The following MYH15 variants were observed in gnomAD, a reference collection of about 807,000 sequenced individuals.
The protein encoded by MYH15 is myosin heavy chain 15.
A neutral mutation model predicts 240.5 loss-of-function variants in MYH15; 227 were observed. The ratio of observed to expected loss-of-function variants is 0.94; its 90% CI spans 0.85 to 1.05. MYH15 has a LOEUF of 1.05. MYH15 is among the 50% of genes least tolerant of loss of function. The pLI is 0.00. For missense variants in MYH15, 2,217 were observed against 2,247.5 expected, an observed-to-expected ratio of 0.99 and a Z score of 0.27; for synonymous variants, 785 against 796.7, an observed-to-expected ratio of 0.99 and a Z score of 0.25.
At chr3:108,493,678 T>C (rs1391323042) in intron 7 of MYH15, among the ~76,000 whole-genome samples, 1 of 152,154 alleles carries the variant, frequency 6.6e-6, no homozygotes, top group Non-Finnish European at 1.5e-5. Flanking sequence ...GATAAGCAGC[T>C]ACTGCAACAG....
At chr3:108,389,186 A>C (rs1199265130) in intron 37 of MYH15, 112 bp from the exon 38 acceptor site, 4 of 897,780 alleles carry the variant, frequency 4.5e-6, no homozygotes, top group Non-Finnish European at 7.0e-6. Context: ...ACATGCACAC[A>C]CTGTTTTTGG....
chr3:108,394,118 A>G lies in MYH15; in HGVS notation c.5172T>C (p.Ala1724=). The G allele has an allele frequency of 6.2e-7, 1 of 1,614,106 alleles. No individual in the cohort carries two copies. The highest frequency in any genetic ancestry group is 8.5e-7 in the Non-Finnish European group (1 of 1,179,960). ...SLLSQKKKLE[A]DVARMQKEAE... The stretch of plus-strand genomic sequence containing the variant: ...CTTCTTTCTGCATCCGGGCAACATC[A>G]GCCTCCAGTTTCTTCTTCTGGCTGA... Residue 1724 remains alanine (A), a synonymous_variant, in exon 36 of 41, where the codon GCT becomes GCC. Transcript: ENST00000693548.
At chr3:108,438,285 T>G (rs2082858488) in intron 24 of MYH15, among the ~76,000 whole-genome samples, 1 of 152,218 alleles carries the variant, frequency 6.6e-6, no homozygotes, top group African/African-American at 2.4e-5. Flanking sequence ...TTATGTCATA[T>G]TCTGGTTCCT....
At position 108,471,025 on chromosome 3, in the gene MYH15, A is replaced by AAAAG. The variant is rs140380789; in HGVS notation, c.1234-182_1234-179dup. 2.8e-3 allele frequency among the ~76,000 whole-genome samples: 365 copies of AAAAG among 129,922 alleles called. 3 individuals are homozygous for AAAAG. The highest frequency in any genetic ancestry group is 9.2e-3 in the African/African-American group (344 of 37,202). The allele number at this position is 129,922 out of a possible 152,430, so 85.2% of individuals were successfully genotyped here. ...AAGAAAAGAAAGAGAGAGAGAGAGA[A>AAAAG]AAAGAAAGAAAGAAAGAAAAGGAGA... On this transcript the variant is annotated intron_variant, in intron 12 of 40. Transcript: ENST00000693548.
chr3:108,381,582 G>A lies in MYH15; in HGVS notation c.5767-23C>T, dbSNP rs543376797. 22 of 1,613,046 alleles carry A rather than the reference G, an allele frequency of 1.4e-5. No homozygotes were observed. The East Asian group carries it at 4.7e-4, about 34-fold the overall frequency. ...AACCTGAAAAACAGAATGTCAGTGTGTTCTGTGAATTTCCTGTGATTTTCA... is the reference window on the plus strand; with the variant it reads ...AACCTGAAAAACAGAATGTCAGTGTATTCTGTGAATTTCCTGTGATTTTCA... On this transcript the variant is annotated intron_variant, in intron 40 of 40. Transcript: ENST00000693548.
chr3:108,458,832 A>G (rs1056590612), intron 18 of MYH15, among the ~76,000 whole-genome samples: 1 of 152,122 alleles, frequency 6.6e-6, no homozygotes, highest in African/African-American at 2.4e-5. Flanking sequence ...GCCACTACCC[A>G]GAGTTACATA....
the MYH15 span, among the ~76,000 whole-genome samples, chr3:108,540,712 A>C: frequency 6.6e-6 from 1 of 152,186 alleles, no homozygotes; most frequent in Non-Finnish European, 1.5e-5. Context: ...GCTTAATGGG[A>C]AAACACTAAA....
chr3:108,408,046 AT>A (rs2082559321), intron 32 of MYH15, among the ~76,000 whole-genome samples: 1 of 152,160 alleles, frequency 6.6e-6, no homozygotes, highest in African/African-American at 2.4e-5. Context: ...CAATCAGGAG[AT>A]TTGCATTCAC....
the MYH15 span, among the ~76,000 whole-genome samples, chr3:108,545,368 C>T: frequency 6.6e-6 from 1 of 152,012 alleles, no homozygotes; most frequent in Non-Finnish European, 1.5e-5. Context: ...AAGAGGAAAC[C>T]AAGGACAAAG....
At chr3:108,496,528 T>A (rs1024032872) in intron 6 of MYH15, among the ~76,000 whole-genome samples, 18 of 152,208 alleles carry the variant, frequency 1.2e-4, no homozygotes, top group Non-Finnish European at 1.8e-4. Flanking sequence ...TAATAATTTG[T>A]GGATTTATAA....
chr3:108,482,366 A>G (rs574930101), intron 11 of MYH15, among the ~76,000 whole-genome samples: 1 of 152,332 alleles, frequency 6.6e-6, no homozygotes, highest in South Asian at 2.1e-4. Context: ...TAGAGCAATT[A>G]GCAGTAGGGA....
At chr3:108,532,661 TTC>T (rs2083719970), upstream of MYH15, among the ~76,000 whole-genome samples, 1 of 152,166 alleles carries the variant, frequency 6.6e-6, no homozygotes. Flanking sequence ...ACCCTATTGG[TTC>T]TGTTTCTCTG....
chr3:108,421,191 A>G lies in MYH15; in HGVS notation c.3726T>C (p.Thr1242=), dbSNP rs1244485893. ...CTTCATGCAAGCGCTCTTCATATAG[A>G]GTACAGAGTTTCTCAGCATTTGCCT... ...RAKANAEKLC[T]LYEERLHEAT... Residue 1242 remains threonine (T), a synonymous_variant, in exon 28 of 41, where the codon ACT becomes ACC. Coordinates refer to ENST00000693548, the MANE Select transcript of MYH15 (RefSeq NM_014981.3). 1.5e-5 allele frequency: 24 copies of G among 1,613,440 alleles called. No individual in the cohort carries two copies. The East Asian group carries it at 4.5e-4, about 30-fold the overall frequency.
At chr3:108,510,600 A>AC, upstream of MYH15, 1 of 1,597,212 alleles carries the variant, frequency 6.3e-7, no homozygotes, top group South Asian at 1.1e-5. Flanking sequence ...GAAAAAAAAA[A>AC]ATTGATACAG....
At chr3:108,453,969 A>G (rs2082997658) in intron 21 of MYH15, 37 bp downstream of exon 21, 2 of 1,595,204 alleles carry the variant, frequency 1.3e-6, no homozygotes, top group African/African-American at 2.7e-5. Context: ...GCACACTATT[A>G]CCCTAGCAGT....
At chr3:108,529,176 C>T in intron 1 of MYH15, 2 of 1,278,580 alleles carry the variant, frequency 1.6e-6, no homozygotes, top group South Asian at 2.6e-5. Context: ...TGATTAAGAC[C>T]ATCAAGAATA....
chr3:108,383,663 C>G lies in MYH15; in HGVS notation c.5698G>C (p.Glu1900Gln). The stretch of plus-strand genomic sequence containing the variant: ...TGAGATTCTGCCACCTCTGCCCTTT[C>G]CTTCACTTCATTCAACTCATGTTGC... Reference protein sequence around the residue: ...KQQHELNEVKERAEVAESQVN... With the variant: ...KQQHELNEVKQRAEVAESQVN... The change falls in exon 40 of 41, where the codon GAA (glutamate) becomes CAA (glutamine). Residue 1900 changes from glutamate (E) to glutamine (Q), a missense_variant. By Grantham distance (29) the Glu-to-Gln change is conservative. Coordinates refer to ENST00000693548, the MANE Select transcript of MYH15 (RefSeq NM_014981.3). 6.2e-7 allele frequency: 1 copy of G among 1,612,412 alleles called. No homozygotes were observed. Among genetic ancestry groups the G allele is most frequent in the Non-Finnish European group, 8.5e-7 (1 of 1,179,364 alleles).
At chr3:108,415,310 A>G (rs1273621937) in intron 29 of MYH15, among the ~76,000 whole-genome samples, 1 of 152,190 alleles carries the variant, frequency 6.6e-6, no homozygotes. Flanking sequence ...CACAAGGTTT[A>G]GTTAATGGCA....
intron 35 of MYH15, among the ~76,000 whole-genome samples, chr3:108,394,803 A>G (rs9878317): frequency 0.27 from 40,800 of 152,020 alleles, 5,872 homozygotes; most frequent in Middle Eastern, 0.35. Flanking sequence ...TTTTGCTGCT[A>G]TTTGGTCTGT....
Sources: allele counts gnomAD v4.1 joint callset (sites outside exome capture counted in the v4.1 genomes callset), GRCh38; gene constraint gnomAD v4.1.1; transcripts MANE v1.5; gene names NCBI Gene and HGNC (gene_info 2026-07-23, HGNC 2026-07-21).